Variants in CFAP61 observed in about 807,000 individuals in gnomAD.
CFAP61 encodes cilia and flagella associated protein 61.
CFAP61 carries 107 observed loss-of-function variants against 135.6 expected under a neutral mutation model. The ratio of observed to expected loss-of-function variants is 0.79; its 90% CI spans 0.67 to 0.93. CFAP61 has a LOEUF of 0.93. Ranked by LOEUF, CFAP61 falls within the 40% of genes least tolerant of loss-of-function variation. The probability of loss-of-function intolerance (pLI) is 0.00; values close to 1 mark genes in which losing one functional copy is unlikely to be tolerated. For synonymous variants in CFAP61, 575 were observed against 578.5 expected, an observed-to-expected ratio of 0.99 and a Z score of 0.09; for missense variants, 1,507 against 1,556.2, an observed-to-expected ratio of 0.97 and a Z score of 0.53.
intron 24 of CFAP61, among the ~76,000 whole-genome samples, chr20:20,291,160 CATT>C (rs757092340): frequency 2.2e-4 from 33 of 152,234 alleles, no homozygotes; most frequent in Admixed American, 1.6e-3. Context: ...TACACTGACA[CATT>C]ATTATCAACT....
chr20:20,288,988 T>A (rs2054803689), intron 23 of CFAP61, 52 bp downstream of exon 23: 1 of 1,425,120 alleles, frequency 7.0e-7, no homozygotes, highest in Non-Finnish European at 9.7e-7. Flanking sequence ...TAGGTATGGC[T>A]CAGCAGTCAG....
chr20:20,192,030 C>G (rs2055955867), intron 15 of CFAP61, among the ~76,000 whole-genome samples: 2 of 152,120 alleles, frequency 1.3e-5, no homozygotes, highest in South Asian at 4.1e-4. Context: ...GGAGTGTTCT[C>G]TCATTTGGTG....
At chr20:20,195,130 C>T (rs1306278220) in intron 15 of CFAP61, among the ~76,000 whole-genome samples, 2 of 152,082 alleles carry the variant, frequency 1.3e-5, no homozygotes, top group African/African-American at 2.4e-5. Context: ...CCAGAACTGC[C>T]CTAGGGTTCC....
At chr20:20,316,145 A>G (rs1230792977) in intron 25 of CFAP61, among the ~76,000 whole-genome samples, 5 of 151,376 alleles carry the variant, frequency 3.3e-5, no homozygotes, top group Non-Finnish European at 7.4e-5. Flanking sequence ...GGCCATTTTC[A>G]CGATATTGAT....
chr20:20,207,088 T>C (rs2056888502), intron 17 of CFAP61, among the ~76,000 whole-genome samples: 1 of 152,212 alleles, frequency 6.6e-6, no homozygotes, highest in Non-Finnish European at 1.5e-5. Flanking sequence ...AGCAGAGATT[T>C]TTCTAAAATA....
chr20:20,204,776 A>G (rs1231598508), intron 17 of CFAP61, among the ~76,000 whole-genome samples: 1 of 152,150 alleles, frequency 6.6e-6, no homozygotes, highest in Non-Finnish European at 1.5e-5. Context: ...AGCATCATAT[A>G]TGCTCTAATC....
chr20:20,350,852 A>C (rs930181484), intron 26 of CFAP61, among the ~76,000 whole-genome samples: 1 of 152,264 alleles, frequency 6.6e-6, no homozygotes, highest in Non-Finnish European at 1.5e-5. Flanking sequence ...CATGAACCTC[A>C]AAACATTATG....
intron 1 of CFAP61, among the ~76,000 whole-genome samples, chr20:20,055,422 A>C (rs1034419771): frequency 6.6e-6 from 1 of 152,130 alleles, no homozygotes; most frequent in Non-Finnish European, 1.5e-5. Context: ...TAATTTTTCT[A>C]GCCCCCTCAC....
chr20:20,215,640 G>T (rs2146925938), intron 17 of CFAP61, among the ~76,000 whole-genome samples: 1 of 152,230 alleles, frequency 6.6e-6, no homozygotes, highest in Non-Finnish European at 1.5e-5. Flanking sequence ...GGATTTTAAA[G>T]AAAATAATAC....
Position 20,157,270 on chromosome 20 carries a change from G to T in CFAP61, c.952-2100G>T, listed in dbSNP as rs546381693. Among the ~76,000 whole-genome samples, 17 of 152,168 alleles carry T rather than the reference G, an allele frequency of 1.1e-4. No homozygotes were observed. The East Asian group carries it at 2.9e-3, about 26-fold the overall frequency. ...GTATTTTTAGTAGAGATGGGGGTTT[G>T]CTATGTTGGCCAGGCTGGTCTTGAA... On this transcript the variant is annotated intron_variant, in intron 9 of 26. Coordinates refer to ENST00000245957, the MANE Select transcript of CFAP61 (RefSeq NM_015585.4).
chr20:20,337,802 C>T (rs2058295547), intron 25 of CFAP61, among the ~76,000 whole-genome samples: 1 of 152,096 alleles, frequency 6.6e-6, no homozygotes, highest in Non-Finnish European at 1.5e-5. Flanking sequence ...CTCACCCAGA[C>T]CTCTTGCCAG....
At chr20:20,175,490 TTTTGTTTTGTTTTGTTTTGTTTTG>T (rs2054549248) in intron 13 of CFAP61, among the ~76,000 whole-genome samples, 2 of 1,664 alleles carry the variant, frequency 1.2e-3, no homozygotes. Context: ...TTTTTTTTGT[TTTTGTTTTGTTTTGTTTTGTTTTG>T]TTTTGTTTTG....
intron 24 of CFAP61, among the ~76,000 whole-genome samples, chr20:20,296,061 T>TCCC (rs1339411641): frequency 3.2e-5 from 1 of 31,616 alleles, no homozygotes. Context: ...CTTCCCTTCC[T>TCCC]TCCCTTCCTT....
intron 2 of CFAP61, among the ~76,000 whole-genome samples, chr20:20,065,402 A>G (rs2045169486): frequency 6.6e-6 from 1 of 152,056 alleles, no homozygotes; most frequent in African/African-American, 2.4e-5. Context: ...AAAAAAAGTT[A>G]AAATGGAATC....
chr20:20,280,658 G>T (rs2054137136), intron 22 of CFAP61, among the ~76,000 whole-genome samples: 1 of 152,044 alleles, frequency 6.6e-6, no homozygotes. Flanking sequence ...ATCTCATTTT[G>T]TTTATTTATT....
chr20:20,355,659 G>C (rs2059088816), intron 26 of CFAP61, among the ~76,000 whole-genome samples: 2 of 146,862 alleles, frequency 1.4e-5, no homozygotes, highest in African/African-American at 5.1e-5. Flanking sequence ...ACACTGTGAG[G>C]GGAGGTGATC....
At position 20,344,619 on chromosome 20, in the gene CFAP61, T is replaced by C. The variant is rs1174676397; in HGVS notation, c.3513+2698T>C. ...GCAGTAACAAATGCTGGCGAGGATG[T>C]GGAGAAAGGGGAACCCTCACATACT... On this transcript the variant is annotated intron_variant, in intron 26 of 26. Coordinates refer to ENST00000245957, the MANE Select transcript of CFAP61 (RefSeq NM_015585.4). Among the ~76,000 whole-genome samples, 3 of 152,080 alleles carry C rather than the reference T, an allele frequency of 2.0e-5. No individual in the cohort carries two copies. In the East Asian group the frequency reaches 5.8e-4, roughly 29 times the overall value.
At chr20:20,186,285 T>C (rs2055491822) in intron 13 of CFAP61, among the ~76,000 whole-genome samples, 2 of 152,244 alleles carry the variant, frequency 1.3e-5, no homozygotes, top group South Asian at 4.1e-4. Context: ...CGTGGCCTTT[T>C]GTATATGGTT....
chr20:20,085,191 C>T (rs1226124753), intron 6 of CFAP61: 2 of 985,340 alleles, frequency 2.0e-6, no homozygotes, highest in Non-Finnish European at 2.4e-6. Context: ...GTGCCAAATT[C>T]ACAGTGGCTC....
Sources: gnomAD v4.1 joint callset for allele counts (sites outside exome capture counted in the v4.1 genomes callset) on GRCh38, gnomAD v4.1.1 for gene constraint, MANE v1.5 for transcripts, NCBI Gene and HGNC (gene_info 2026-07-23, HGNC 2026-07-21) for gene names.